TNS1: variants seen among roughly 807,000 people sequenced by gnomAD.
The protein encoded by TNS1 is tensin-1.
TNS1 carries 62 observed loss-of-function variants against 168.6 expected under a neutral mutation model. That is an observed-to-expected ratio of 0.37 (90% CI 0.30 to 0.45). TNS1 has a LOEUF of 0.45. Among genes scored for constraint, TNS1 ranks in the 20% least tolerant of loss-of-function variants. The pLI, the probability that TNS1 is intolerant of heterozygous loss-of-function variation, is 1.00. For synonymous variants in TNS1, 934 were observed against 933.2 expected (o/e 1.00, Z -0.02); for missense variants, 2,240 against 2,339.4 (o/e 0.96, Z 0.88).
intron 4 of TNS1, among the ~76,000 whole-genome samples, chr2:217,917,396 T>C (rs1464520875): frequency 1.3e-5 from 2 of 152,184 alleles, no homozygotes; most frequent in Admixed American, 6.5e-5. Context: ...GGAGTTTACA[T>C]GCTGGCATGG....
chr2:217,978,597 A>C (rs1575153739), intron 3 of TNS1, 168 bp downstream of exon 3: 1 of 170,076 alleles, frequency 5.9e-6, no homozygotes, highest in African/African-American at 3.7e-5. Context: ...CTTCGCCTTC[A>C]CCTTGACCTG....
At chr2:217,994,374 T>C (rs1343910639) in intron 1 of TNS1, among the ~76,000 whole-genome samples, 1 of 151,930 alleles carries the variant, frequency 6.6e-6, no homozygotes, top group Non-Finnish European at 1.5e-5. Context: ...AGAGAGGACC[T>C]GGGGTTCAGT....
chr2:217,805,608 A>ACACCACCACACACAC (rs1938728200), intron 32 of TNS1, among the ~76,000 whole-genome samples: 2 of 62,932 alleles, frequency 3.2e-5, no homozygotes, highest in Non-Finnish European at 3.4e-5. Flanking sequence ...CACACCACAC[A>ACACCACCACACACAC]CACCACACAC....
chr2:218,014,383 G>A (rs540132800), upstream of TNS1, among the ~76,000 whole-genome samples: 10 of 152,184 alleles, frequency 6.6e-5, no homozygotes, highest in South Asian at 2.1e-4. Context: ...GCTGTCCCTC[G>A]GGTACCAACT....
intron 1 of TNS1, among the ~76,000 whole-genome samples, chr2:217,999,415 C>A (rs1418927229): frequency 6.6e-6 from 1 of 152,252 alleles, no homozygotes; most frequent in African/African-American, 2.4e-5. Flanking sequence ...AACTACTTGC[C>A]TATGGTCACA....
chr2:217,890,981 C>T lies in TNS1; in HGVS notation c.847G>A (p.Gly283Ser), dbSNP rs775143453. ...RFYEDKIVPI[G>S]QPSQRRYVHY... The stretch of plus-strand genomic sequence containing the variant: ...ACCCACCTTCTTTGGGATGGCTGGC[C>T]AATGGGCACAATCTTATCCTCATAG... Residue 283 changes from glycine (G) to serine (S), a missense_variant, in exon 12 of 33, where the codon GGC becomes AGC. Physicochemically the swap from Gly to Ser is moderately conservative, Grantham distance 56 (BLOSUM62 0). Transcript: ENST00000682258. 18 of 1,614,090 alleles carry T rather than the reference C, an allele frequency of 1.1e-5. No individual in the cohort carries two copies. Among genetic ancestry groups the T allele is most frequent in the Non-Finnish European group, 1.7e-6 (2 of 1,180,046 alleles).
chr2:217,925,956 A>G (rs1956001600), intron 3 of TNS1, among the ~76,000 whole-genome samples: 3 of 152,240 alleles, frequency 2.0e-5, no homozygotes, highest in Admixed American at 2.0e-4. Context: ...CCTCCTTCAT[A>G]TATTAAAGTC....
rs1429873626 is a variant in TNS1, at chr2:217,885,276, C to T, written c.1117-112G>A. 7 of 1,448,516 alleles carry T rather than the reference C, an allele frequency of 4.8e-6. No homozygotes were observed. In the Admixed American group the frequency reaches 8.6e-5, roughly 18 times the overall value. 89.7% of individuals were successfully genotyped at this position (1,448,516 alleles called of 1,614,324 possible). ...GAGCCCCCAAGGCTCACCCCAAACC[C>T]GGTGAGGGAGAGCTCATCAACACCA... On this transcript the variant is annotated intron_variant, in intron 15 of 32. Transcript: ENST00000682258.
intron 21 of TNS1, among the ~76,000 whole-genome samples, chr2:217,834,685 G>C (rs1310893688): frequency 5.3e-5 from 8 of 152,202 alleles, no homozygotes; most frequent in Non-Finnish European, 1.2e-4. Flanking sequence ...GCCTGGAATG[G>C]AAGAGGTGTC....
chr2:217,842,037 T>C, intron 19 of TNS1: 2 of 702,000 alleles, frequency 2.8e-6, no homozygotes, highest in Non-Finnish European at 2.6e-6. Context: ...GCCCCCAGAG[T>C]TCAAGCTATG....
chr2:217,805,310 T>C (rs1938308745), intron 32 of TNS1, among the ~76,000 whole-genome samples: 1 of 151,558 alleles, frequency 6.6e-6, no homozygotes, highest in Non-Finnish European at 1.5e-5. Flanking sequence ...GATGGGGAAA[T>C]GAGGACAGCT....
At chr2:217,830,945 GAATGCCAGGTGATGC>G (rs1202510678) in intron 22 of TNS1, among the ~76,000 whole-genome samples, 1 of 152,108 alleles carries the variant, frequency 6.6e-6, no homozygotes, top group Non-Finnish European at 1.5e-5. Context: ...AGACCACTCT[GAATGCCAGGTGATGC>G]CTTGTGGATG....
intron 3 of TNS1, among the ~76,000 whole-genome samples, chr2:217,970,415 T>C (rs1239814645): frequency 3.9e-5 from 6 of 151,960 alleles, no homozygotes; most frequent in Non-Finnish European, 8.8e-5. Flanking sequence ...CCAAGAGAAA[T>C]GAAAACAGAT....
At chr2:217,975,048 C>T (rs1236560549) in intron 3 of TNS1, among the ~76,000 whole-genome samples, 2 of 152,192 alleles carry the variant, frequency 1.3e-5, no homozygotes, top group Non-Finnish European at 2.9e-5. Flanking sequence ...GCCTTGCTCT[C>T]TCTTGAATCA....
intron 4 of TNS1, among the ~76,000 whole-genome samples, chr2:217,913,931 C>G (rs140078605): frequency 1.1e-3 from 160 of 152,256 alleles, no homozygotes; most frequent in African/African-American, 3.7e-3. Context: ...TACAAGATTG[C>G]CTGGTTCTCT....
intron 3 of TNS1, among the ~76,000 whole-genome samples, chr2:217,945,222 C>A (rs368690274): frequency 1.3e-5 from 2 of 152,194 alleles, no homozygotes; most frequent in African/African-American, 2.4e-5. Context: ...GTTTCCTCTG[C>A]GACAGAAAGG....
intron 6 of TNS1, among the ~76,000 whole-genome samples, chr2:217,904,992 G>A (rs1409798274): frequency 6.6e-6 from 1 of 152,166 alleles, no homozygotes; most frequent in Non-Finnish European, 1.5e-5. Context: ...ATTCAGCAAC[G>A]CCAAGCCTCT....
In TNS1 at chr2:217,809,971, T is replaced by G; in HGVS notation, c.5125A>C (p.Asn1709His). 1.9e-6 allele frequency: 3 copies of G among 1,611,920 alleles called. No individual in the cohort carries two copies. The highest frequency in any genetic ancestry group is 2.5e-6 in the Non-Finnish European group (3 of 1,178,496). ...GTGAGTGACTCCATGTCCACAGAGT[T>G]GACGAAGAGCACATTGCAGGCTGGA... ...QGAACNVLFV[N>H]SVDMESLTGP... is the part of the protein sequence containing the mutation. The change falls in exon 30 of 33, where the codon AAC becomes CAC. Residue 1709 changes from asparagine to histidine, a missense_variant. Physicochemically the swap from Asn to His is moderately conservative, Grantham distance 68. This residue lies in a region of TNS1 where 2,131 missense variants were observed against 2,171.2 expected (regional missense o/e 0.98). Coordinates refer to ENST00000682258, the MANE Select transcript of TNS1 (RefSeq NM_001387777.1).
chr2:217,983,765 CCACCTGCCTGCT>C (rs1272109603), intron 2 of TNS1, among the ~76,000 whole-genome samples: 2 of 152,360 alleles, frequency 1.3e-5, no homozygotes, highest in East Asian at 3.9e-4. Flanking sequence ...ACAGGCCTGG[CCACCTGCCTGCT>C]CACCGGCCAC....
Sources: gnomAD v4.1 joint callset for allele counts (sites outside exome capture counted in the v4.1 genomes callset) on GRCh38, gnomAD v4.1.1 for gene constraint, gnomAD v4.1.1 regional missense constraint, MANE v1.5 for transcripts, NCBI Gene and HGNC (gene_info 2026-07-23, HGNC 2026-07-21) for gene names.